The following RAET1L variants were observed in gnomAD, a reference collection of about 807,000 sequenced individuals.
RAET1L encodes the protein UL16-binding protein 6.
In RAET1L, 16 loss-of-function variants were observed where a neutral mutation model predicts 23.9. The observed-to-expected ratio is 0.67, with a 90% confidence interval of 0.45 to 1.02. RAET1L has a LOEUF of 1.02. RAET1L is among the 50% of genes least tolerant of loss of function. The pLI is 0.00. For synonymous variants in RAET1L, 70 were observed against 111.2 expected (o/e 0.63, Z 2.33); for missense variants, 233 against 304.0 (o/e 0.77, Z 1.74).
chr6:150,021,108 A>T lies in RAET1L; in HGVS notation c.428T>A (p.Ile143Asn), dbSNP rs2114758460. ...GHSSGSWQFS[I>N]DGQTFLLFDS... ...AAAGAGTAGGAAGGTCTGTCCATCG[A>T]TACTGAACTGCCAAGATCCACTGCT... The change falls in exon 3 of 5, where the codon ATC (isoleucine) becomes AAC (asparagine). Residue 143 changes from isoleucine (I) to asparagine (N), a missense_variant. Ile to Asn is a moderately radical substitution (Grantham distance 149). Transcript: ENST00000367341. 1 of 1,614,118 alleles carries T rather than the reference A, an allele frequency of 6.2e-7. No homozygotes were observed.
At chr6:150,023,374 A>G (rs920766253) in intron 1 of RAET1L, among the ~76,000 whole-genome samples, 3 of 151,804 alleles carry the variant, frequency 2.0e-5, no homozygotes, top group Admixed American at 6.6e-5. Flanking sequence ...CCTAATTTGC[A>G]GAATGAAGCC....
At chr6:150,024,372 C>T (rs1355496695) in intron 1 of RAET1L, among the ~76,000 whole-genome samples, 1 of 152,148 alleles carries the variant, frequency 6.6e-6, no homozygotes, top group Non-Finnish European at 1.5e-5. Context: ...CAAATCTGGT[C>T]CCCCCTCTTT....
Position 150,018,673 on chromosome 6 carries a change from A to C in RAET1L, c.*205T>G, listed in dbSNP as rs1228602506. 10 of 155,960 alleles carry C rather than the reference A, an allele frequency of 6.4e-5. No individual in the cohort carries two copies. Among genetic ancestry groups the C allele is most frequent in the Non-Finnish European group, 1.3e-4 (9 of 70,474 alleles). The allele number at this position is 155,960 out of a possible 1,614,324, so 9.7% of individuals were successfully genotyped here. A position where few individuals can be genotyped will look rare whatever the true frequency, so the allele number is the denominator to read the frequency against. ...GAAAATTGCATAATATGTTAGGAAT[A>C]ATCACTGGTTAAATTGTTGGCAAAA... is the stretch of plus-strand genomic sequence containing the variant. On this transcript the variant is annotated 3_prime_UTR_variant, in exon 5 of 5. Transcript: ENST00000367341.
At chr6:150,024,984 TG>T (rs1160277418) in intron 1 of RAET1L, among the ~76,000 whole-genome samples, 1 of 152,036 alleles carries the variant, frequency 6.6e-6, no homozygotes, top group South Asian at 2.1e-4. Flanking sequence ...GGCTTGTGGC[TG>T]GTGGGGGCGT....
At position 150,021,194 on chromosome 6, in the gene RAET1L, C is replaced by T; in HGVS notation, c.350-8G>A. On this transcript the variant is annotated splice_region_variant and splice_polypyrimidine_tract_variant and intron_variant, in intron 2 of 4. Coordinates refer to ENST00000367341, the MANE Select transcript of RAET1L (RefSeq NM_130900.3). ...CCTGCAGGGTGAGGGGTTCTGCCCCCATCAGAGAGAGATCAGCTCTGATCT... is the reference window on the plus strand; with the variant it reads ...CCTGCAGGGTGAGGGGTTCTGCCCCTATCAGAGAGAGATCAGCTCTGATCT... 4.4e-6 allele frequency: 7 copies of T among 1,607,886 alleles called. No homozygotes were observed. The highest frequency in any genetic ancestry group is 8.5e-7 in the Non-Finnish European group (1 of 1,175,848).
intron 3 of RAET1L, among the ~76,000 whole-genome samples, chr6:150,020,472 C>A (rs1779871564): frequency 6.6e-6 from 1 of 152,114 alleles, no homozygotes; most frequent in African/African-American, 2.4e-5. Context: ...CACACCCCAC[C>A]CTCCTGCTGT....
chr6:150,025,357 G>A (rs747339348), intron 1 of RAET1L, 30 bp downstream of exon 1: 4 of 1,597,054 alleles, frequency 2.5e-6, no homozygotes, highest in African/African-American at 2.7e-5. Context: ...TTTGGCCCCC[G>A]CCCCGCTTAG....
chr6:150,025,227 A>T (rs1775873555), intron 1 of RAET1L, among the ~76,000 whole-genome samples, 160 bp downstream of exon 1: 1 of 152,112 alleles, frequency 6.6e-6, no homozygotes, highest in Admixed American at 6.5e-5. Context: ...TGGGGAGTGG[A>T]CCCGGCGGGA....
chr6:150,025,435 G>T lies in RAET1L; in HGVS notation c.37C>A (p.Leu13Ile). The T allele has an allele frequency of 6.2e-7, 1 of 1,614,098 alleles. No homozygotes were observed. The highest frequency in any genetic ancestry group is 8.5e-7 in the Non-Finnish European group (1 of 1,179,932). ...CCGAACAGCAGGAACAGAAGCGGGA[G>T]GCACAGAAGCAAAGCTGGGATGGCG... The part of the protein sequence containing the change: ...AAAIPALLLC[L>I]PLLFLLFGWS... The change falls in exon 1 of 5, where the codon CTC becomes ATC. Residue 13 changes from leucine (L) to isoleucine (I), a missense_variant. By Grantham distance (5) the Leu-to-Ile change is conservative. Coordinates refer to ENST00000367341, the MANE Select transcript of RAET1L (RefSeq NM_130900.3).
intron 1 of RAET1L, among the ~76,000 whole-genome samples, chr6:150,024,060 C>T (rs1224775684): frequency 6.6e-6 from 1 of 152,142 alleles, no homozygotes; most frequent in African/African-American, 2.4e-5. Flanking sequence ...AGCAGTTGGA[C>T]CTGATCCCCA....
At chr6:150,024,421 A>G (rs1045628855) in intron 1 of RAET1L, among the ~76,000 whole-genome samples, 6 of 152,176 alleles carry the variant, frequency 3.9e-5, no homozygotes, top group Non-Finnish European at 4.4e-5. Context: ...ACAAAGGGAC[A>G]GGACTGGACA....
At chr6:150,023,410 TATA>T (rs908259840) in intron 1 of RAET1L, among the ~76,000 whole-genome samples, 1 of 151,626 alleles carries the variant, frequency 6.6e-6, no homozygotes, top group African/African-American at 2.4e-5. Context: ...AACCCATGAC[TATA>T]AGAAGACACC....
Position 150,024,723 on chromosome 6 carries a change from C to T in RAET1L, c.85+664G>A, listed in dbSNP as rs6923767. Among the ~76,000 whole-genome samples the T allele has an allele frequency of 3.4e-3, 519 of 151,926 alleles. 7 individuals carry two copies. Among genetic ancestry groups the T allele is most frequent in the African/African-American group, 0.012 (483 of 41,444 alleles). ...CTCAGGCAAGAGGCAGAAGGTGCGA[C>T]GTGGTGTAGGAGGTGGTGAGGTACC... On this transcript the variant is annotated intron_variant, in intron 1 of 4. Transcript: ENST00000367341.
chr6:150,021,076 C>G lies in RAET1L; in HGVS notation c.460G>C (p.Glu154Gln), dbSNP rs61748299. ...TGAACCGTTGTCCACATTCTCTTCT[C>G]TGAGTCAAAGAGTAGGAAGGTCTGT... ...DGQTFLLFDS[E>Q]KRMWTTVHPG... The change falls in exon 3 of 5, where the codon GAG (glutamate) becomes CAG (glutamine). Residue 154 changes from glutamate (E) to glutamine (Q), a missense_variant. Glu to Gln is a conservative substitution (Grantham distance 29). This residue lies in a region of RAET1L where 139 missense variants were observed against 125.3 expected (regional missense o/e 1.11). Transcript: ENST00000367341. 4.4e-4 allele frequency: 714 copies of G among 1,614,156 alleles called. 3 individuals carry two copies. The African/African-American group carries it at 7.5e-3, about 17-fold the overall frequency.
intron 2 of RAET1L, among the ~76,000 whole-genome samples, chr6:150,021,580 T>G (rs1178210621): frequency 7.0e-6 from 1 of 143,862 alleles, no homozygotes; most frequent in Non-Finnish European, 1.5e-5. Context: ...ATTACAGGCT[T>G]GAGCCACTGC....
At chr6:150,019,132 G>T (rs1277826348) in intron 4 of RAET1L, among the ~76,000 whole-genome samples, 2 of 152,278 alleles carry the variant, frequency 1.3e-5, no homozygotes, top group African/African-American at 4.8e-5. Context: ...CTCACTCAAG[G>T]CCCTCTTTAT....
At chr6:150,024,547 C>T (rs374473987) in intron 1 of RAET1L, among the ~76,000 whole-genome samples, 1 of 147,702 alleles carries the variant, frequency 6.8e-6, no homozygotes, top group East Asian at 1.9e-4. Flanking sequence ...CTGACACCCC[C>T]GTAGGAAGAA....
chr6:150,025,357 G>C (rs747339348), intron 1 of RAET1L, 30 bp downstream of exon 1: 21 of 1,597,054 alleles, frequency 1.3e-5, no homozygotes, highest in Non-Finnish European at 1.6e-5. Flanking sequence ...TTTGGCCCCC[G>C]CCCCGCTTAG....
chr6:150,022,264 G>T, intron 1 of RAET1L, 21 bp from the exon 2 acceptor site: 2 of 1,476,080 alleles, frequency 1.4e-6, no homozygotes, highest in Non-Finnish European at 9.2e-7. Flanking sequence ...AGGCAGGTGA[G>T]GGGTGGGTGG....
Sources: allele counts gnomAD v4.1 joint callset (sites outside exome capture counted in the v4.1 genomes callset), GRCh38; gene constraint gnomAD v4.1.1; regional missense constraint gnomAD v4.1.1; transcripts MANE v1.5; gene names NCBI Gene and HGNC (gene_info 2026-07-23, HGNC 2026-07-21).